Variants in ZDHHC24 observed in about 807,000 individuals in gnomAD.
ZDHHC24 encodes the protein zDHHC palmitoyltransferase 24.
In ZDHHC24, 17 loss-of-function variants were observed where a neutral mutation model predicts 23.2. The ratio of observed to expected loss-of-function variants is 0.73; its 90% CI spans 0.50 to 1.10. The LOEUF (loss-of-function observed/expected upper bound fraction) is 1.10, where lower values mean the gene tolerates loss of function less well. Ranked by LOEUF, ZDHHC24 falls within the 50% of genes least tolerant of loss-of-function variation. The pLI, the probability that ZDHHC24 is intolerant of heterozygous loss-of-function variation, is 0.00. For missense variants in ZDHHC24, 366 were observed against 393.0 expected, an observed-to-expected ratio of 0.93 and a Z score of 0.58; for synonymous variants, 186 against 194.5, an observed-to-expected ratio of 0.96 and a Z score of 0.36.
chr11:66,524,456 A>AGC (rs1856397380), intron 4 of ZDHHC24, among the ~76,000 whole-genome samples: 1 of 151,602 alleles, frequency 6.6e-6, no homozygotes, highest in South Asian at 2.1e-4. Flanking sequence ...AGTGCTAAAA[A>AGC]GCGCAGAGGG....
chr11:66,545,645 T>C lies in ZDHHC24; in HGVS notation c.281+78A>G. The C allele has an allele frequency of 1.4e-6, 2 of 1,387,188 alleles. No homozygotes were observed. Among genetic ancestry groups the C allele is most frequent in the Non-Finnish European group, 9.4e-7 (1 of 1,067,294 alleles). The allele number at this position is 1,387,188 out of a possible 1,614,324, so 85.9% of individuals were successfully genotyped here. On this transcript the variant is annotated intron_variant, in intron 1 of 2. Coordinates refer to ENST00000310442, the MANE Select transcript of ZDHHC24 (RefSeq NM_207340.3). This position sits in a 1 kb window ranked among gnomAD's most constrained non-coding sequence, Gnocchi z 4.5. ...CCTGGATCCTAATGTAACCCGGTTCTAACATCTCAGGTCTTGGGGCCCCTC... is the reference window on the plus strand; with the variant it reads ...CCTGGATCCTAATGTAACCCGGTTCCAACATCTCAGGTCTTGGGGCCCCTC...
At chr11:66,531,718 C>T (rs1179878578), downstream of ZDHHC24, 1 of 1,613,938 alleles carries the variant, frequency 6.2e-7, no homozygotes, top group Non-Finnish European at 8.5e-7. Context: ...GTCTCAGTAA[C>T]AAGGGCATCT....
chr11:66,523,862 C>A, intron 4 of ZDHHC24: 1 of 1,613,476 alleles, frequency 6.2e-7, no homozygotes, highest in Non-Finnish European at 8.5e-7. Context: ...CAAGGCCCTG[C>A]TCAATGTCAT....
rs766684863 is a variant in ZDHHC24 at position 66,523,754 on chromosome 11, G to A, written c.*22-2288C>T. 31 of 1,612,240 alleles carry A rather than the reference G, an allele frequency of 1.9e-5. No homozygotes were observed. Among genetic ancestry groups the A allele is most frequent in the Admixed American group, 5.0e-5 (3 of 60,008 alleles). On this transcript the variant is annotated intron_variant, in intron 4 of 4. Coordinates refer to the ZDHHC24 transcript ENST00000526986. ...GAAGCTGTGGACAGTGCAGATGCCC[G>A]CAGCCATCCTGACCATGAACCTCCT...
In ZDHHC24 at chr11:66,539,714, C is replaced by T. The variant is rs1565295945; in HGVS notation, c.670G>A (p.Gly224Ser). 1 of 1,612,698 alleles carries T rather than the reference C, an allele frequency of 6.2e-7. No homozygotes were observed. Among genetic ancestry groups the T allele is most frequent in the Non-Finnish European group, 8.5e-7 (1 of 1,179,874 alleles). ...CGAGCCCACTCCCATGTGGTCTGGC[C>T]CCGCAGCAGCAGCATCCCATGGAAG... ...LLFHGMLLLR[G>S]QTTWEWARGQ... The change falls in exon 3 of 3, where the codon GGC becomes AGC. Residue 224 changes from glycine to serine, a missense_variant. By Grantham distance (56) the Gly-to-Ser change is moderately conservative. Coordinates refer to ENST00000310442, the MANE Select transcript of ZDHHC24 (RefSeq NM_207340.3).
At position 66,539,354 on chromosome 11, in the gene ZDHHC24, G is replaced by A; in HGVS notation, c.*175C>T. On this transcript the variant is annotated 3_prime_UTR_variant, in exon 3 of 3. Transcript: ENST00000310442. ...CCCTCCTCTGCACTCCTCTGCCTAAGTCACGGCCCAAGCCCTGGACACGTA... is the reference window on the plus strand; with the variant it reads ...CCCTCCTCTGCACTCCTCTGCCTAAATCACGGCCCAAGCCCTGGACACGTA... The A allele has an allele frequency of 7.5e-7, 1 of 1,336,710 alleles. No individual in the cohort carries two copies. The highest frequency in any genetic ancestry group is 9.5e-7 in the Non-Finnish European group (1 of 1,047,472). 82.8% of individuals were successfully genotyped at this position (1,336,710 alleles called of 1,614,324 possible).
At chr11:66,523,543 C>G (rs1347967818) in intron 4 of ZDHHC24, 1 of 1,614,020 alleles carries the variant, frequency 6.2e-7, no homozygotes, top group Non-Finnish European at 8.5e-7. Context: ...TGGTGGGCAG[C>G]ACCCAAGACA....
chr11:66,532,151 C>T, downstream of ZDHHC24: 1 of 1,173,936 alleles, frequency 8.5e-7, no homozygotes, highest in South Asian at 1.4e-5. Context: ...GCTCGTCTCC[C>T]CTCTCTTAAG....
At chr11:66,543,548 C>T (rs1038548650) in intron 2 of ZDHHC24, among the ~76,000 whole-genome samples, 156 bp downstream of exon 2, 31 of 152,214 alleles carry the variant, frequency 2.0e-4, no homozygotes, top group African/African-American at 6.8e-4. Flanking sequence ...CCATACTGCA[C>T]CCCCGGGTGA....
chr11:66,529,524 T>C (rs1856672406), intron 2 of ZDHHC24: 1 of 714,958 alleles, frequency 1.4e-6, no homozygotes. Flanking sequence ...AAGAGGACCA[T>C]GGACCAGACT....
intron 4 of ZDHHC24, among the ~76,000 whole-genome samples, chr11:66,524,581 G>A (rs1856402743): frequency 6.6e-6 from 1 of 152,160 alleles, no homozygotes; most frequent in African/African-American, 2.4e-5. Flanking sequence ...TGGACAAATG[G>A]AGGAAGAACA....
chr11:66,535,372 CTT>C (rs759509135), downstream of ZDHHC24, among the ~76,000 whole-genome samples: 29 of 134,480 alleles, frequency 2.2e-4, no homozygotes, highest in Admixed American at 3.0e-4. Context: ...CCACACAAGG[CTT>C]TTTTTTTTTT....
chr11:66,545,058 C>A lies in ZDHHC24; in HGVS notation c.281+665G>T, dbSNP rs190804167. ...TATTTATGTATTTATTTATTTGAGACGGAGGGAGTCTTGCTCTGTCACCCA... is the reference window on the plus strand; with the variant it reads ...TATTTATGTATTTATTTATTTGAGAAGGAGGGAGTCTTGCTCTGTCACCCA... On this transcript the variant is annotated intron_variant, in intron 1 of 2. Transcript: ENST00000310442. The surrounding 1 kb of genome is among the most constrained non-coding windows in gnomAD (Gnocchi z 4.5). Among the ~76,000 whole-genome samples the A allele has an allele frequency of 7.4e-3, 1,129 of 151,750 alleles. 17 individuals are homozygous for A. Among genetic ancestry groups the A allele is most frequent in the African/African-American group, 0.026 (1,059 of 41,326 alleles).
downstream of ZDHHC24, among the ~76,000 whole-genome samples, chr11:66,535,168 C>T (rs1470591574): frequency 6.6e-6 from 1 of 151,964 alleles, no homozygotes; most frequent in Non-Finnish European, 1.5e-5. Context: ...GCTGGGATTA[C>T]AGGCATGAGC....
At chr11:66,523,878 C>A (rs1330285254) in intron 4 of ZDHHC24, 1 of 1,613,046 alleles carries the variant, frequency 6.2e-7, no homozygotes, top group Admixed American at 1.7e-5. Flanking sequence ...GTCATCCACA[C>A]CCCGGTGAGC....
At position 66,526,308 on chromosome 11, in the gene ZDHHC24, T is replaced by C. The variant is rs3819247; in HGVS notation, c.*21+628A>G. 0.24 allele frequency: 260,199 copies of C among 1,074,340 alleles called. 32,964 individuals are homozygous for C. Among genetic ancestry groups the C allele is most frequent in the East Asian group, 0.26 (10,356 of 39,884 alleles). 66.6% of individuals were successfully genotyped at this position (1,074,340 alleles called of 1,614,324 possible). A position where few individuals can be genotyped will look rare whatever the true frequency, so the allele number is the denominator to read the frequency against. Reference sequence around the variant, plus strand: ...CATGGGTGGACCTGGGTGTGGAAAGTAAGGCCTACAGAAGTGTCCTTCTGG... The same window carrying C: ...CATGGGTGGACCTGGGTGTGGAAAGCAAGGCCTACAGAAGTGTCCTTCTGG... On this transcript the variant is annotated intron_variant, in intron 4 of 4. Coordinates refer to the ZDHHC24 transcript ENST00000526986.
Position 66,538,988 on chromosome 11 carries a change from A to C in ZDHHC24, c.*541T>G, listed in dbSNP as rs1857065297. On this transcript the variant is annotated 3_prime_UTR_variant, in exon 3 of 3. Coordinates refer to ENST00000310442, the MANE Select transcript of ZDHHC24 (RefSeq NM_207340.3). ...TGCCCCATGGACCAGGTTAGCTAAGAGAGGTTCCATGAAACTGCTGTTGCA... is the reference window on the plus strand; with the variant it reads ...TGCCCCATGGACCAGGTTAGCTAAGCGAGGTTCCATGAAACTGCTGTTGCA... 1 of 153,272 alleles carries C rather than the reference A, an allele frequency of 6.5e-6. No homozygotes were observed. Among genetic ancestry groups the C allele is most frequent in the South Asian group, 2.1e-4 (1 of 4,870 alleles). The allele number at this position is 153,272 out of a possible 1,614,324, so 9.5% of individuals were successfully genotyped here. A position where few individuals can be genotyped will look rare whatever the true frequency, so the allele number is the denominator to read the frequency against.
At chr11:66,523,271 C>T in intron 4 of ZDHHC24, 1 of 794,036 alleles carries the variant, frequency 1.3e-6, no homozygotes, top group Non-Finnish European at 2.1e-6. Flanking sequence ...GGGAGGAAGA[C>T]ACACTTGATG....
In ZDHHC24 at chr11:66,545,689, C is replaced by T; in HGVS notation, c.281+34G>A. The stretch of plus-strand genomic sequence containing the variant: ...GCCCCTCCCCCCTGTCCAAGGCTCC[C>T]ACTTCTCCCCGCCCGATCCCGCACC... On this transcript the variant is annotated intron_variant, in intron 1 of 2. Transcript: ENST00000310442. The surrounding 1 kb of genome is among the most constrained non-coding windows in gnomAD (Gnocchi z 4.5). 1.4e-6 allele frequency: 2 copies of T among 1,476,042 alleles called. No individual in the cohort carries two copies. Among genetic ancestry groups the T allele is most frequent in the Non-Finnish European group, 1.8e-6 (2 of 1,118,074 alleles). The allele number at this position is 1,476,042 out of a possible 1,614,324, so 91.4% of individuals were successfully genotyped here.
Sources: gnomAD v4.1 joint callset for allele counts (sites outside exome capture counted in the v4.1 genomes callset) on GRCh38, gnomAD v4.1.1 for gene constraint, Gnocchi (gnomAD v3.1) non-coding constraint, MANE v1.5 for transcripts, NCBI Gene and HGNC (gene_info 2026-07-23, HGNC 2026-07-21) for gene names.